Variants in EIF3B observed in about 807,000 individuals in gnomAD.
EIF3B encodes the protein eukaryotic translation initiation factor 3 subunit B.
Under a neutral mutation model 104.6 loss-of-function variants are expected in EIF3B, and 10 were observed. That is an observed-to-expected ratio of 0.10 (90% CI 0.06 to 0.16). The LOEUF (loss-of-function observed/expected upper bound fraction) is 0.16, where lower values mean the gene tolerates loss of function less well. Among genes scored for constraint, EIF3B ranks in the 10% least tolerant of loss-of-function variants. The pLI, the probability that EIF3B is intolerant of heterozygous loss-of-function variation, is 1.00. For missense variants in EIF3B, 1,014 were observed against 1,087.9 expected, an observed-to-expected ratio of 0.93 and a Z score of 0.96; for synonymous variants, 542 against 417.2, an observed-to-expected ratio of 1.30 and a Z score of -3.65.
chr7:2,374,375 C>T (rs934728401), intron 12 of EIF3B, 153 bp from the exon 13 acceptor site: 14 of 634,986 alleles, frequency 2.2e-5, no homozygotes, highest in African/African-American at 5.4e-5. Context: ...GGGTACTTGG[C>T]GATGGACTTT....
At chr7:2,363,224 G>A in intron 4 of EIF3B, 97 bp downstream of exon 4, 2 of 1,263,354 alleles carry the variant, frequency 1.6e-6, no homozygotes, top group Non-Finnish European at 2.3e-6. Flanking sequence ...AGGCTGAGGT[G>A]GGAGGATCGC....
Position 2,369,502 on chromosome 7 carries a change from A to C in EIF3B, c.1434A>C (p.Ile478=), listed in dbSNP as rs1583169217. Residue 478 remains isoleucine (I), a synonymous_variant, in exon 10 of 19, where the codon ATA becomes ATC. Coordinates refer to ENST00000360876, the MANE Select transcript of EIF3B (RefSeq NM_001037283.2). ...KDFSWSPGGN[I]IAFWVPEDKD... is the part of the protein sequence containing the mutation. ...TTTCTTGGTCTCCTGGTGGTAACATAATCGCCTTCTGGGTGCCTGAAGACA... is the reference window on the plus strand; with the variant it reads ...TTTCTTGGTCTCCTGGTGGTAACATCATCGCCTTCTGGGTGCCTGAAGACA... The C allele has an allele frequency of 6.2e-7, 1 of 1,614,216 alleles. No individual in the cohort carries two copies. The highest frequency in any genetic ancestry group is 1.1e-5 in the South Asian group (1 of 91,084).
intron 16 of EIF3B, 122 bp downstream of exon 16, chr7:2,378,888 G>C: frequency 2.1e-6 from 2 of 939,066 alleles, no homozygotes; most frequent in East Asian, 2.6e-5. Flanking sequence ...CACTGGTTCT[G>C]TTCCCCCCCA....
At chr7:2,379,295 G>A (rs1432059614) in intron 17 of EIF3B, 53 bp downstream of exon 17, 3 of 1,570,058 alleles carry the variant, frequency 1.9e-6, no homozygotes, top group Non-Finnish European at 2.6e-6. Context: ...CTGCCCCTGG[G>A]CCCTGGTGCC....
At chr7:2,376,812 C>A in intron 14 of EIF3B, 138 bp from the exon 15 acceptor site, 2 of 1,289,110 alleles carry the variant, frequency 1.6e-6, no homozygotes, top group South Asian at 1.5e-5. Context: ...ACCTACCCTG[C>A]TGTCAGCTCA....
intron 6 of EIF3B, among the ~76,000 whole-genome samples, chr7:2,365,190 A>T (rs1041058442): frequency 3.9e-5 from 6 of 152,190 alleles, no homozygotes; most frequent in African/African-American, 1.4e-4. Flanking sequence ...GGCTCAAGTG[A>T]TCTCCTGCCT....
At chr7:2,360,004 T>C (rs1007083463) in intron 1 of EIF3B, among the ~76,000 whole-genome samples, 2 of 152,112 alleles carry the variant, frequency 1.3e-5, no homozygotes, top group Non-Finnish European at 2.9e-5. Context: ...AGGTGCGTGG[T>C]GGTGGGCTCT....
At position 2,360,809 on chromosome 7, in the gene EIF3B, T is replaced by G; in HGVS notation, c.599T>G (p.Leu200Arg). 1 of 1,613,958 alleles carries G rather than the reference T, an allele frequency of 6.2e-7. No homozygotes were observed. Among genetic ancestry groups the G allele is most frequent in the Non-Finnish European group, 8.5e-7 (1 of 1,179,818 alleles). Residue 200 changes from leucine (L) to arginine (R), a missense_variant, in exon 2 of 19, where the codon CTT (leucine) becomes CGT (arginine). By Grantham distance (102) the Leu-to-Arg change is moderately radical. Transcript: ENST00000360876. Reference protein sequence around the residue: ...DNVPQVGPDRLEKLKNVIHKI... With the variant: ...DNVPQVGPDRREKLKNVIHKI... ...GTCCCTCAGGTGGGACCCGACCGACTTGAGAAACTCAAAAATGTCATCCAC... is the reference window on the plus strand; with the variant it reads ...GTCCCTCAGGTGGGACCCGACCGACGTGAGAAACTCAAAAATGTCATCCAC...
Position 2,363,176 on chromosome 7 carries a change from G to A in EIF3B, c.870+49G>A, listed in dbSNP as rs772072930. ...TCAGTGGTTTAAAGAAATGCTGCTGGGTGTGGTGGGTCACACCTGCAATCC... is the reference window on the plus strand; with the variant it reads ...TCAGTGGTTTAAAGAAATGCTGCTGAGTGTGGTGGGTCACACCTGCAATCC... On this transcript the variant is annotated intron_variant, in intron 4 of 18. Coordinates refer to ENST00000360876, the MANE Select transcript of EIF3B (RefSeq NM_001037283.2). The A allele has an allele frequency of 9.5e-6, 15 of 1,578,164 alleles. 1 individual carries two copies. Among genetic ancestry groups the A allele is most frequent in the Admixed American group, 1.7e-5 (1 of 59,954 alleles).
chr7:2,362,772 C>T lies in EIF3B; in HGVS notation c.812+8C>T, dbSNP rs778485654. 1 of 1,614,094 alleles carries T rather than the reference C, an allele frequency of 6.2e-7. No homozygotes were observed. The highest frequency in any genetic ancestry group is 8.5e-7 in the Non-Finnish European group (1 of 1,180,004). On this transcript the variant is annotated splice_region_variant and intron_variant, in intron 3 of 18. Coordinates refer to ENST00000360876, the MANE Select transcript of EIF3B (RefSeq NM_001037283.2). The stretch of plus-strand genomic sequence containing the variant: ...CTTTACGGATTTTGACAAGTGAGTT[C>T]AGACTTGGCCACAAGGAAGTGGACG...
At chr7:2,372,494 G>A (rs574565466) in intron 11 of EIF3B, among the ~76,000 whole-genome samples, 179 bp from the exon 12 acceptor site, 1 of 152,294 alleles carries the variant, frequency 6.6e-6, no homozygotes, top group Non-Finnish European at 1.5e-5. Flanking sequence ...GGAAGCAGCT[G>A]TCTCTGAAAC....
In EIF3B at chr7:2,371,845, G is replaced by T; in HGVS notation, c.1683G>T (p.Met561Ile). ...AGGTACCTGTGGATGTGGTCGAGAT[G>T]AAAGGCAAGTTGTATTTTAGTCACT... ...EKQVPVDVVE[M>I]KETIIAFAWE... The change falls in exon 11 of 19, where the codon ATG (methionine) becomes ATT (isoleucine). Residue 561 changes from methionine (M) to isoleucine (I), a missense_variant. Physicochemically the swap from Met to Ile is conservative, Grantham distance 10. Coordinates refer to ENST00000360876, the MANE Select transcript of EIF3B (RefSeq NM_001037283.2). 1 of 1,613,820 alleles carries T rather than the reference G, an allele frequency of 6.2e-7. No individual in the cohort carries two copies.
chr7:2,368,418 G>A (rs548927429), intron 9 of EIF3B, among the ~76,000 whole-genome samples: 115 of 152,342 alleles, frequency 7.5e-4, no homozygotes, highest in South Asian at 4.6e-3. Context: ...TCAAAGTGCA[G>A]GGATTACAGG....
chr7:2,378,246 G>A (rs1435115456), intron 15 of EIF3B: 15 of 163,422 alleles, frequency 9.2e-5, no homozygotes, highest in East Asian at 1.9e-4. Context: ...AGGAGAAGGC[G>A]CGAGCACTGC....
Position 2,380,316 on chromosome 7 carries a change from A to G in EIF3B, c.*127A>G, listed in dbSNP as rs1780932709. On this transcript the variant is annotated 3_prime_UTR_variant, in exon 19 of 19. Transcript: ENST00000360876. ...TGCTGTGGAGCCGAGGCCGTCCTGC[A>G]GGAAGCCGCGTGACTCCCGCCTCCT... 3.9e-6 allele frequency: 2 copies of G among 517,366 alleles called. No homozygotes were observed. Among genetic ancestry groups the G allele is most frequent in the Non-Finnish European group, 7.7e-6 (2 of 259,192 alleles). 32.0% of individuals were successfully genotyped at this position (517,366 alleles called of 1,614,324 possible). A position where few individuals can be genotyped will look rare whatever the true frequency, so the allele number is the denominator to read the frequency against.
In EIF3B at chr7:2,354,827, A is replaced by C. The variant is rs1052877552; in HGVS notation, c.-95A>C. On this transcript the variant is annotated 5_prime_UTR_variant, in exon 1 of 19. An upstream start codon of the reference 5' UTR is lost. Coordinates refer to ENST00000360876, the MANE Select transcript of EIF3B (RefSeq NM_001037283.2). ...GGTGCGGCCTCCCCGTCGCACGCAC[A>C]TGGCTGGGCTGTAGCCGTCGCGGCG... 2 of 1,024,576 alleles carry C rather than the reference A, an allele frequency of 2.0e-6. No individual in the cohort carries two copies. Among genetic ancestry groups the C allele is most frequent in the Non-Finnish European group, 2.3e-6 (2 of 854,624 alleles). The allele number at this position is 1,024,576 out of a possible 1,614,324, so 63.5% of individuals were successfully genotyped here. A position where few individuals can be genotyped will look rare whatever the true frequency, so the allele number is the denominator to read the frequency against.
At chr7:2,369,396 TG>T (rs1780200593) in intron 9 of EIF3B, 75 bp from the exon 10 acceptor site, 1 of 1,458,758 alleles carries the variant, frequency 6.9e-7, no homozygotes, top group East Asian at 2.3e-5. Flanking sequence ...GCAAATGAGT[TG>T]TTCTATTCTC....
At chr7:2,369,433 T>C in intron 9 of EIF3B, 39 bp from the exon 10 acceptor site, 1 of 1,601,614 alleles carries the variant, frequency 6.2e-7, no homozygotes, top group Non-Finnish European at 8.6e-7. Context: ...TCGTCATCAC[T>C]TGGTCTTTGC....
chr7:2,366,793 A>C lies in EIF3B; in HGVS notation c.1356+202A>C, dbSNP rs573333770. ...CTGCCCACCTGGCGCAGCCGTGGGA[A>C]GTCCTGGATGGGAGTTAATGCAGTG... On this transcript the variant is annotated intron_variant, in intron 8 of 18. Coordinates refer to ENST00000360876, the MANE Select transcript of EIF3B (RefSeq NM_001037283.2). The C allele has an allele frequency of 3.8e-6, 3 of 794,970 alleles. No individual in the cohort carries two copies. In the South Asian group the frequency reaches 5.2e-5, roughly 14 times the overall value. 49.2% of individuals were successfully genotyped at this position (794,970 alleles called of 1,614,324 possible). A position where few individuals can be genotyped will look rare whatever the true frequency, so the allele number is the denominator to read the frequency against.
Sources: gnomAD v4.1 joint callset for allele counts (sites outside exome capture counted in the v4.1 genomes callset) on GRCh38, gnomAD v4.1.1 for gene constraint, MANE v1.5 for transcripts, NCBI Gene and HGNC (gene_info 2026-07-23, HGNC 2026-07-21) for gene names.